ZNF385B: variants seen among roughly 807,000 people sequenced by gnomAD.
ZNF385B encodes zinc finger protein 533.
ZNF385B carries 23 observed loss-of-function variants against 39.2 expected under a neutral mutation model. The ratio of observed to expected loss-of-function variants is 0.59; its 90% CI spans 0.42 to 0.83. The LOEUF is 0.83. Ranked by LOEUF, ZNF385B falls within the 40% of genes least tolerant of loss-of-function variation. The pLI is 0.00. For synonymous variants in ZNF385B, 205 were observed against 222.6 expected (o/e 0.92, Z 0.70); for missense variants, 552 against 598.9 (o/e 0.92, Z 0.82).
intron 1 of ZNF385B, among the ~76,000 whole-genome samples, chr2:179,849,856 AAC>A (rs1379437740): frequency 6.6e-6 from 1 of 152,202 alleles, no homozygotes; most frequent in East Asian, 1.9e-4. Context: ...CCATAAGAGA[AAC>A]ACAGAAAAAG....
At chr2:179,592,123 T>G (rs16866834) in intron 3 of ZNF385B, among the ~76,000 whole-genome samples, 13,243 of 152,198 alleles carry the variant, frequency 0.087, 644 homozygotes, top group Middle Eastern at 0.2. Flanking sequence ...CTCTAAACAC[T>G]GAGACAAATC....
intron 5 of ZNF385B, among the ~76,000 whole-genome samples, chr2:179,514,778 G>T (rs1306574918): frequency 1.4e-5 from 2 of 143,392 alleles, no homozygotes; most frequent in African/African-American, 5.1e-5. Context: ...ATGTGTGGTG[G>T]TTTTTTTTTT....
At chr2:179,516,611 A>G (rs1033854518) in intron 5 of ZNF385B, among the ~76,000 whole-genome samples, 1 of 151,996 alleles carries the variant, frequency 6.6e-6, no homozygotes, top group Admixed American at 6.6e-5. Flanking sequence ...TTGTTTTCCC[A>G]TTTTATCATT....
chr2:179,762,981 C>T (rs1010402588), intron 3 of ZNF385B, among the ~76,000 whole-genome samples: 8 of 152,154 alleles, frequency 5.3e-5, no homozygotes, highest in Non-Finnish European at 1.0e-4. Context: ...CTTGGCTCAC[C>T]ACAACCTGTG....
At chr2:179,731,850 A>G (rs1315867405) in intron 3 of ZNF385B, among the ~76,000 whole-genome samples, 1 of 152,220 alleles carries the variant, frequency 6.6e-6, no homozygotes, top group Non-Finnish European at 1.5e-5. Context: ...AGAGCTGGGA[A>G]GACTACCGGA....
chr2:179,536,005 CCACTAT>C (rs2059542544), intron 4 of ZNF385B, among the ~76,000 whole-genome samples: 1 of 152,280 alleles, frequency 6.6e-6, no homozygotes, highest in East Asian at 1.9e-4. Context: ...TTTTCAGAGG[CCACTAT>C]CACTGATTAA....
At chr2:179,725,287 T>A (rs1439715990) in intron 3 of ZNF385B, among the ~76,000 whole-genome samples, 1 of 152,030 alleles carries the variant, frequency 6.6e-6, no homozygotes, top group South Asian at 2.1e-4. Flanking sequence ...CTAGGAAAGT[T>A]GTAGATTTTC....
At position 179,831,071 on chromosome 2, in the gene ZNF385B, T is replaced by C. The variant is rs544220574; in HGVS notation, c.-155+30030A>G. On this transcript the variant is annotated intron_variant, in intron 1 of 9. Coordinates refer to ENST00000410066, the MANE Select transcript of ZNF385B (RefSeq NM_152520.6). ...TTTTATTTTCAGGCAGTTAAAGATATGTAAAAATATTTGTAATACTCATGA... is the reference window on the plus strand; with the variant it reads ...TTTTATTTTCAGGCAGTTAAAGATACGTAAAAATATTTGTAATACTCATGA... 9.2e-5 allele frequency among the ~76,000 whole-genome samples: 14 copies of C among 152,304 alleles called. 1 individual carries two copies. Among genetic ancestry groups the C allele is most frequent in the South Asian group, 6.2e-4 (3 of 4,824 alleles).
chr2:179,789,185 C>T (rs543082898), intron 1 of ZNF385B, among the ~76,000 whole-genome samples: 1 of 151,950 alleles, frequency 6.6e-6, no homozygotes, highest in African/African-American at 2.4e-5. Context: ...TAGTGAAAAA[C>T]AAACTTACTT....
chr2:179,503,016 A>G (rs892186091), intron 5 of ZNF385B, among the ~76,000 whole-genome samples: 1 of 152,086 alleles, frequency 6.6e-6, no homozygotes, highest in African/African-American at 2.4e-5. Flanking sequence ...CTGGGACTAC[A>G]GGTACTTGTC....
intron 4 of ZNF385B, among the ~76,000 whole-genome samples, chr2:179,535,968 A>T (rs1236157654): frequency 2.0e-5 from 3 of 152,224 alleles, no homozygotes; most frequent in Non-Finnish European, 2.9e-5. Flanking sequence ...GCGTTGTTGG[A>T]TGGGTTCGCA....
intron 1 of ZNF385B, among the ~76,000 whole-genome samples, chr2:179,788,229 T>C (rs922311617): frequency 6.6e-6 from 1 of 151,932 alleles, no homozygotes; most frequent in African/African-American, 2.4e-5. Context: ...ACACACATAA[T>C]TAGGTAACAG....
intron 1 of ZNF385B, among the ~76,000 whole-genome samples, chr2:179,853,710 A>G (rs1309988899): frequency 6.6e-6 from 1 of 152,224 alleles, no homozygotes; most frequent in East Asian, 1.9e-4. Flanking sequence ...TACCTGTATG[A>G]GTATGGTAGG....
At chr2:179,457,708 A>G (rs960111756) in intron 6 of ZNF385B, among the ~76,000 whole-genome samples, 2 of 152,016 alleles carry the variant, frequency 1.3e-5, no homozygotes, top group African/African-American at 2.4e-5. Flanking sequence ...TCTTTAGCCC[A>G]TTTTTAAAAC....
intron 3 of ZNF385B, among the ~76,000 whole-genome samples, chr2:179,656,824 A>AT (rs1693821832): frequency 6.6e-6 from 1 of 152,170 alleles, no homozygotes; most frequent in Admixed American, 6.5e-5. Context: ...CCTTAGAATA[A>AT]TTTTTTTGCC....
chr2:179,610,986 A>G (rs1013674460), intron 3 of ZNF385B, among the ~76,000 whole-genome samples: 6 of 152,168 alleles, frequency 3.9e-5, no homozygotes, highest in Non-Finnish European at 5.9e-5. Context: ...TCATCTGTAA[A>G]CAAGGATAAT....
intron 3 of ZNF385B, among the ~76,000 whole-genome samples, chr2:179,551,770 C>T (rs1465249148): frequency 6.6e-6 from 1 of 152,030 alleles, no homozygotes; most frequent in Non-Finnish European, 1.5e-5. Context: ...TGCAATAAAT[C>T]TGTACTTTCA....
At chr2:179,846,508 G>A (rs1197946262) in intron 1 of ZNF385B, among the ~76,000 whole-genome samples, 1 of 152,112 alleles carries the variant, frequency 6.6e-6, no homozygotes, top group East Asian at 1.9e-4. Flanking sequence ...CCATTTACCT[G>A]CGTGGAAAAT....
intron 3 of ZNF385B, among the ~76,000 whole-genome samples, chr2:179,704,108 A>G (rs1241946212): frequency 6.6e-6 from 1 of 152,230 alleles, no homozygotes; most frequent in Non-Finnish European, 1.5e-5. Flanking sequence ...TTATATTGTT[A>G]CATATAGTAG....
Sources: gnomAD v4.1 joint callset for allele counts (sites outside exome capture counted in the v4.1 genomes callset) on GRCh38, gnomAD v4.1.1 for gene constraint, MANE v1.5 for transcripts, NCBI Gene and HGNC (gene_info 2026-07-23, HGNC 2026-07-21) for gene names.